The following USP37 variants were observed in gnomAD, a reference collection of about 807,000 sequenced individuals.
USP37 encodes ubiquitin specific peptidase 37.
In USP37, 27 loss-of-function variants were observed where a neutral mutation model predicts 124.0. That is an observed-to-expected ratio of 0.22 (90% CI 0.16 to 0.30). USP37 has a LOEUF of 0.30. USP37 is among the 10% of genes least tolerant of loss of function. The pLI, the probability that USP37 is intolerant of heterozygous loss-of-function variation, is 1.00. For missense variants in USP37, 889 were observed against 1,140.4 expected, an observed-to-expected ratio of 0.78 and a Z score of 3.17; for synonymous variants, 365 against 388.0, an observed-to-expected ratio of 0.94 and a Z score of 0.70.
At chr2:218,567,440 A>G (rs1326211444) in intron 1 of USP37, among the ~76,000 whole-genome samples, 1 of 152,134 alleles carries the variant, frequency 6.6e-6, no homozygotes, top group Non-Finnish European at 1.5e-5. Flanking sequence ...AAACACATAC[A>G]CACACCGCGC....
At position 218,534,671 on chromosome 2, in the gene USP37, T is replaced by C. The variant is rs1417511749; in HGVS notation, c.716A>G (p.Tyr239Cys). The C allele has an allele frequency of 1.2e-6, 2 of 1,610,206 alleles. No individual in the cohort carries two copies. The highest frequency in any genetic ancestry group is 8.5e-7 in the Non-Finnish European group (1 of 1,178,064). Residue 239 changes from tyrosine (Y) to cysteine (C), a missense_variant, in exon 9 of 26, where the codon TAT becomes TGT. Coordinates refer to ENST00000258399, the MANE Select transcript of USP37 (RefSeq NM_020935.3). ...CTGCTTTTCTCTACTGCTGGTTAAA[T>C]ACTTTCTGGAGGGATCTGTCATGGC... ...NKAMTDPSRK[Y>C]LTSSREKQLS... is the part of the protein sequence containing the mutation.
intron 7 of USP37, 46 bp from the exon 8 acceptor site, chr2:218,546,344 T>C (rs372002300): frequency 3.3e-5 from 47 of 1,416,284 alleles, no homozygotes; most frequent in Non-Finnish European, 4.4e-5. Flanking sequence ...CCACAATTCA[T>C]ATCACAAAAA....
chr2:218,505,870 GTT>G (rs34891152), intron 11 of USP37, among the ~76,000 whole-genome samples: 3 of 150,022 alleles, frequency 2.0e-5, no homozygotes, highest in South Asian at 2.1e-4. Flanking sequence ...CTGTTTTGTT[GTT>G]TTTTTTTTGA....
At chr2:218,512,769 G>T (rs1375631630) in intron 10 of USP37, among the ~76,000 whole-genome samples, 1 of 152,040 alleles carries the variant, frequency 6.6e-6, no homozygotes, top group Non-Finnish European at 1.5e-5. Flanking sequence ...AATATGTGAT[G>T]TATCTATTTT....
Position 218,558,826 on chromosome 2 carries a change from G to C in USP37, c.-24-149C>G, listed in dbSNP as rs1023114078. Reference sequence around the variant, plus strand: ...CCTTCTTTGCCATGTGTCCAGTACTGTATTTATTAGTGCCTAAATTCTACA... The same window carrying C: ...CCTTCTTTGCCATGTGTCCAGTACTCTATTTATTAGTGCCTAAATTCTACA... On this transcript the variant is annotated intron_variant, in intron 3 of 25. Coordinates refer to ENST00000258399, the MANE Select transcript of USP37 (RefSeq NM_020935.3). The C allele has an allele frequency of 3.2e-5, 16 of 495,212 alleles. 1 individual carries two copies. The Middle Eastern group carries it at 2.2e-3, about 67-fold the overall frequency. 30.7% of individuals were successfully genotyped at this position (495,212 alleles called of 1,614,324 possible). A position where few individuals can be genotyped will look rare whatever the true frequency, so the allele number is the denominator to read the frequency against.
intron 10 of USP37, among the ~76,000 whole-genome samples, chr2:218,526,258 GT>G (rs1477377042): frequency 6.6e-6 from 1 of 151,886 alleles, no homozygotes; most frequent in Non-Finnish European, 1.5e-5. Flanking sequence ...TTTTGAGACA[GT>G]CTTGCTCTGT....
At chr2:218,559,447 A>G (rs1268617883) in intron 3 of USP37, among the ~76,000 whole-genome samples, 2 of 152,234 alleles carry the variant, frequency 1.3e-5, no homozygotes, top group African/African-American at 4.8e-5. Context: ...TATGTACAGA[A>G]GACATTAAAT....
At chr2:218,488,494 T>G in intron 14 of USP37, 73 bp from the exon 15 acceptor site, 2 of 976,054 alleles carry the variant, frequency 2.0e-6, no homozygotes, top group Non-Finnish European at 3.1e-6. Flanking sequence ...TGAGAAACTC[T>G]GTTCTTCCAC....
At chr2:218,506,899 C>CA (rs1689712399) in intron 11 of USP37, among the ~76,000 whole-genome samples, 1 of 151,322 alleles carries the variant, frequency 6.6e-6, no homozygotes, top group Non-Finnish European at 1.5e-5. Flanking sequence ...TGGGTTCAAG[C>CA]AATTCTCCTG....
chr2:218,482,498 T>C (rs1386274335), intron 16 of USP37, among the ~76,000 whole-genome samples: 2 of 152,272 alleles, frequency 1.3e-5, no homozygotes, highest in South Asian at 4.1e-4. Flanking sequence ...AAATAAAATA[T>C]AGCAGACAAG....
chr2:218,556,377 T>C (rs914522730), intron 4 of USP37, among the ~76,000 whole-genome samples: 2 of 152,134 alleles, frequency 1.3e-5, no homozygotes, highest in Admixed American at 6.5e-5. Flanking sequence ...ACCTTTACTA[T>C]GTTTGGCAAA....
At chr2:218,542,433 G>A (rs149950263) in intron 8 of USP37, among the ~76,000 whole-genome samples, 2 of 152,286 alleles carry the variant, frequency 1.3e-5, no homozygotes, top group Middle Eastern at 3.4e-3. Context: ...TCCCTGATGT[G>A]CAGAAACAAG....
At chr2:218,468,054 AT>A (rs1156464853) in intron 20 of USP37, among the ~76,000 whole-genome samples, 16 of 148,376 alleles carry the variant, frequency 1.1e-4, no homozygotes, top group African/African-American at 4.0e-4. Flanking sequence ...CACCTGGCTA[AT>A]TTTTTATATT....
intron 1 of USP37, among the ~76,000 whole-genome samples, chr2:218,567,734 TG>T (rs1693707681): frequency 6.6e-6 from 1 of 152,106 alleles, no homozygotes; most frequent in South Asian, 2.1e-4. Flanking sequence ...CGGCTAGAAA[TG>T]GGCGCAAGGA....
chr2:218,488,673 T>G (rs2105981144), intron 14 of USP37, among the ~76,000 whole-genome samples: 1 of 152,310 alleles, frequency 6.6e-6, no homozygotes, highest in Admixed American at 6.5e-5. Flanking sequence ...TTCGCTCTTG[T>G]CACCCAGGCT....
At chr2:218,534,161 C>T (rs1691490917) in intron 9 of USP37, among the ~76,000 whole-genome samples, 2 of 152,170 alleles carry the variant, frequency 1.3e-5, no homozygotes, top group Non-Finnish European at 2.9e-5. Context: ...AATATTTTAG[C>T]CAAGTACTGG....
intron 8 of USP37, among the ~76,000 whole-genome samples, chr2:218,542,465 C>G (rs1232987634): frequency 1.3e-5 from 2 of 151,942 alleles, no homozygotes; most frequent in Non-Finnish European, 2.9e-5. Flanking sequence ...AGTAACCCTA[C>G]ATTTCTTAGT....
intron 20 of USP37, among the ~76,000 whole-genome samples, chr2:218,467,341 A>ATCTATCTG (rs1250684917): frequency 6.7e-6 from 1 of 149,614 alleles, no homozygotes; most frequent in African/African-American, 2.5e-5. Context: ...CTATCTATCT[A>ATCTATCTG]TCTATCTATC....
At chr2:218,475,896 A>G (rs1479779424) in intron 19 of USP37, among the ~76,000 whole-genome samples, 2 of 151,368 alleles carry the variant, frequency 1.3e-5, no homozygotes, top group African/African-American at 4.9e-5. Context: ...ACTGCACTCC[A>G]GCCTGGGCAA....
Sources: allele counts gnomAD v4.1 joint callset (sites outside exome capture counted in the v4.1 genomes callset), GRCh38; gene constraint gnomAD v4.1.1; transcripts MANE v1.5; gene names NCBI Gene and HGNC (gene_info 2026-07-23, HGNC 2026-07-21).